KIF1A: variants seen among roughly 807,000 people sequenced by gnomAD.
KIF1A encodes kinesin-like protein KIF1A.
Under a neutral mutation model 227.3 loss-of-function variants are expected in KIF1A, and 46 were observed. The ratio of observed to expected loss-of-function variants is 0.20; its 90% CI spans 0.16 to 0.26. The LOEUF (loss-of-function observed/expected upper bound fraction) is 0.26. Ranked by LOEUF, KIF1A falls within the 10% of genes least tolerant of loss-of-function variation. KIF1A has a pLI of 1.00. For missense variants in KIF1A, 1,683 were observed against 2,485.9 expected, an observed-to-expected ratio of 0.68 and a Z score of 6.87; for synonymous variants, 1,022 against 1,012.8, an observed-to-expected ratio of 1.01 and a Z score of -0.17.
In KIF1A at chr2:240,723,966, G is replaced by T; in HGVS notation, c.4318+9C>A. 8 of 1,611,194 alleles carry T rather than the reference G, an allele frequency of 5.0e-6. No homozygotes were observed. The highest frequency in any genetic ancestry group is 6.8e-6 in the Non-Finnish European group (8 of 1,178,512). On this transcript the variant is annotated intron_variant, in intron 41 of 48. Transcript: ENST00000498729. ...GAACCCACCCAGTGAGAGCAGGGCA[G>T]ATACCTACCTGGGCTGCCCGCGTCA...
At chr2:240,748,643 G>A (rs2048871251) in intron 28 of KIF1A, 1 of 288,714 alleles carries the variant, frequency 3.5e-6, no homozygotes, top group Non-Finnish European at 7.4e-6. Flanking sequence ...CCTGAGTATT[G>A]CAGCCCTGGT....
intron 1 of KIF1A, among the ~76,000 whole-genome samples, chr2:240,811,890 A>G (rs2057893664): frequency 6.6e-6 from 1 of 152,144 alleles, no homozygotes; most frequent in African/African-American, 2.4e-5. Flanking sequence ...ATGCACCCAC[A>G]GGAAGTGGGC....
rs138267626 is a variant in KIF1A at position 240,800,927 on chromosome 2, C to G, written c.-60-3115G>C. 6.9e-3 allele frequency among the ~76,000 whole-genome samples: 1,058 copies of G among 152,330 alleles called. 5 individuals carry two copies. The highest frequency in any genetic ancestry group is 0.011 in the Non-Finnish European group (774 of 68,030). On this transcript the variant is annotated intron_variant, in intron 1 of 48. Transcript: ENST00000498729. ...TTATGAAAACTACAACCTGCCCTCGCTTGGTTTAATTCGGACTTCAGTCTG... is the reference window on the plus strand; with the variant it reads ...TTATGAAAACTACAACCTGCCCTCGGTTGGTTTAATTCGGACTTCAGTCTG...
Position 240,745,414 on chromosome 2 carries a change from C to T in KIF1A, c.3465+13G>A. 7 of 1,599,754 alleles carry T rather than the reference C, an allele frequency of 4.4e-6. No homozygotes were observed. Among genetic ancestry groups the T allele is most frequent in the Non-Finnish European group, 6.0e-6 (7 of 1,167,582 alleles). On this transcript the variant is annotated intron_variant, in intron 32 of 48. Coordinates refer to ENST00000498729, the MANE Select transcript of KIF1A (RefSeq NM_001244008.2). ...TCAGTGGCAGGGATGGGGAGAAGTG[C>T]CCAGGAACGTACGTTCTGGACGTGG...
chr2:240,725,201 G>A lies in KIF1A; in HGVS notation c.4256+70C>T. Reference sequence around the variant, plus strand: ...CGGGTGGCCCAAGGACCGCTGCCAGGCAGAGCCCTGCCTGGCCCGCACCGA... The same window carrying A: ...CGGGTGGCCCAAGGACCGCTGCCAGACAGAGCCCTGCCTGGCCCGCACCGA... On this transcript the variant is annotated intron_variant, in intron 40 of 48. Transcript: ENST00000498729. The surrounding 1 kb of genome is among the most constrained non-coding windows in gnomAD (Gnocchi z 5.8). The A allele has an allele frequency of 1.3e-6, 2 of 1,517,160 alleles. No individual in the cohort carries two copies. The highest frequency in any genetic ancestry group is 1.2e-5 in the South Asian group (1 of 83,134). The allele number at this position is 1,517,160 out of a possible 1,614,324, so 94.0% of individuals were successfully genotyped here.
rs1217365482 is a variant in KIF1A, at chr2:240,793,392, A to G, written c.107-4080T>C. On this transcript the variant is annotated intron_variant, in intron 2 of 48. Coordinates refer to ENST00000498729, the MANE Select transcript of KIF1A (RefSeq NM_001244008.2). This position sits in a 1 kb window ranked among gnomAD's most constrained non-coding sequence, Gnocchi z 4.8. ...GCCCTCTAGCCAGTGTCACACAGCG[A>G]GTAAGTCATGAGCACAGCCAGGCCC... 1.3e-5 allele frequency among the ~76,000 whole-genome samples: 2 copies of G among 152,210 alleles called. No individual in the cohort carries two copies. Among genetic ancestry groups the G allele is most frequent in the African/African-American group, 4.8e-5 (2 of 41,462 alleles).
At chr2:240,763,810 T>G (rs551690612) in intron 20 of KIF1A, among the ~76,000 whole-genome samples, 2 of 152,242 alleles carry the variant, frequency 1.3e-5, no homozygotes, top group African/African-American at 2.4e-5. Flanking sequence ...GAAGCAGGGC[T>G]GGGGCAGGTC....
In KIF1A at chr2:240,737,155, G is replaced by A. The variant is rs775272173; in HGVS notation, c.3915C>T (p.Asn1305=). ...VRELVVGRIR[N]TPETDESLID... ...TCAGGGACTCGTCGGTCTCTGGAGT[G>A]TTTCGGATGCGGCCTGCAGAAAAGG... The change falls in exon 38 of 49, where the codon AAC becomes AAT. Residue 1305 remains asparagine (N), a synonymous_variant. Transcript: ENST00000498729. 2.1e-5 allele frequency: 34 copies of A among 1,613,446 alleles called. 1 individual carries two copies. The South Asian group carries it at 3.3e-4, about 16-fold the overall frequency.
At position 240,789,373 on chromosome 2, in the gene KIF1A, C is replaced by G; in HGVS notation, c.107-61G>C. ...GGGAGGGCCCCTGACTAGCTGGCAT[C>G]TACACTCCAAGGTGGGGAGATGGTC... On this transcript the variant is annotated intron_variant, in intron 2 of 48. Transcript: ENST00000498729. The surrounding 1 kb of genome is among the most constrained non-coding windows in gnomAD (Gnocchi z 4.8). The G allele has an allele frequency of 7.2e-7, 1 of 1,383,200 alleles. No homozygotes were observed. The highest frequency in any genetic ancestry group is 1.0e-6 in the Non-Finnish European group (1 of 970,786). The allele number at this position is 1,383,200 out of a possible 1,614,324, so 85.7% of individuals were successfully genotyped here.
At chr2:240,737,910 G>A (rs2047534844) in intron 37 of KIF1A, among the ~76,000 whole-genome samples, 1 of 152,222 alleles carries the variant, frequency 6.6e-6, no homozygotes, top group Non-Finnish European at 1.5e-5. Flanking sequence ...ATAAAACCCA[G>A]GACACGCTAG....
chr2:240,722,690 C>A (rs781721111), intron 42 of KIF1A, 34 bp from the exon 43 acceptor site: 16 of 1,458,438 alleles, frequency 1.1e-5, no homozygotes, highest in Non-Finnish European at 1.8e-6. Flanking sequence ...ACCTGCTGCA[C>A]CTCAGGGGTG....
At position 240,765,807 on chromosome 2, in the gene KIF1A, G is replaced by C; in HGVS notation, c.1685-14C>G. 1 of 1,606,414 alleles carries C rather than the reference G, an allele frequency of 6.2e-7. No individual in the cohort carries two copies. Among genetic ancestry groups the C allele is most frequent in the East Asian group, 2.2e-5 (1 of 44,822 alleles). On this transcript the variant is annotated splice_polypyrimidine_tract_variant and intron_variant, in intron 19 of 48. Transcript: ENST00000498729. ...AGGTCACCACAGCTACAGGAAAGGT[G>C]GGAGGGGCAGAGAGGAGGACTATGA...
chr2:240,769,683 C>T lies in KIF1A; in HGVS notation c.1365G>A (p.Glu455=), dbSNP rs2051691503. 3.1e-6 allele frequency: 5 copies of T among 1,613,498 alleles called. No homozygotes were observed. In the Admixed American group the frequency reaches 8.3e-5, roughly 27 times the overall value. The stretch of plus-strand genomic sequence containing the variant: ...GCTTCTCCTCCCAGGTCTCATTGAG[C>T]TCAGCTATGATCTTCTCTGTTTCCT... ...RLKETEKIIA[E]LNETWEEKLR... is the part of the protein sequence containing the mutation. The change falls in exon 16 of 49, where the codon GAG becomes GAA. Residue 455 remains glutamate (E), a synonymous_variant. Transcript: ENST00000498729.
intron 38 of KIF1A, among the ~76,000 whole-genome samples, chr2:240,730,118 G>A (rs1326481538): frequency 6.6e-6 from 1 of 152,204 alleles, no homozygotes; most frequent in African/African-American, 2.4e-5. Context: ...TGCCCCTCAA[G>A]CCTCTACAAA....
intron 42 of KIF1A, 61 bp downstream of exon 42, chr2:240,723,352 C>G (rs2045630185): frequency 1.4e-6 from 2 of 1,465,016 alleles, no homozygotes; most frequent in East Asian, 5.0e-5. Flanking sequence ...CCAGCTTTTG[C>G]TCTGCACACA....
intron 10 of KIF1A, among the ~76,000 whole-genome samples, chr2:240,780,622 T>C (rs1481469138): frequency 6.6e-6 from 1 of 151,622 alleles, no homozygotes; most frequent in Non-Finnish European, 1.5e-5. Flanking sequence ...GCACAGCTCA[T>C]GTTCCCACGC....
At chr2:240,719,677 AG>A in intron 46 of KIF1A, 96 bp downstream of exon 46, 1 of 1,333,684 alleles carries the variant, frequency 7.5e-7, no homozygotes, top group South Asian at 1.6e-5. Context: ...CCCAAGTATG[AG>A]GGTCCCTGTG....
chr2:240,782,789 C>G (rs1030176664), intron 9 of KIF1A, among the ~76,000 whole-genome samples, 182 bp from the exon 10 acceptor site: 2 of 152,198 alleles, frequency 1.3e-5, no homozygotes, highest in Non-Finnish European at 2.9e-5. Context: ...TTCCCGGGCC[C>G]AGGCCTGGGC....
intron 5 of KIF1A, among the ~76,000 whole-genome samples, chr2:240,786,753 TG>T (rs2054901725): frequency 1.1e-5 from 1 of 94,266 alleles, no homozygotes; most frequent in African/African-American, 3.9e-5. Flanking sequence ...GGCCCCTGAG[TG>T]AGAGGGTAGG....
Sources: gnomAD v4.1 joint callset for allele counts (sites outside exome capture counted in the v4.1 genomes callset) on GRCh38, gnomAD v4.1.1 for gene constraint, Gnocchi (gnomAD v3.1) non-coding constraint, MANE v1.5 for transcripts, NCBI Gene and HGNC (gene_info 2026-07-23, HGNC 2026-07-21) for gene names.